METTL15: variants seen among roughly 807,000 people sequenced by gnomAD.
METTL15 encodes the protein 12S rRNA N(4)-cytidine methyltransferase METTL15.
In METTL15, 34 loss-of-function variants were observed where a neutral mutation model predicts 38.3. That is an observed-to-expected ratio of 0.89 (90% CI 0.68 to 1.18). The LOEUF is 1.18. METTL15 is among the 50% of genes most tolerant of loss of function. METTL15 has a pLI of 0.00. For missense variants in METTL15, 438 were observed against 498.4 expected, an observed-to-expected ratio of 0.88 and a Z score of 1.15; for synonymous variants, 162 against 170.9, an observed-to-expected ratio of 0.95 and a Z score of 0.41.
intron 3 of METTL15, among the ~76,000 whole-genome samples, chr11:28,114,438 A>T (rs991139931): frequency 6.6e-6 from 1 of 152,102 alleles, no homozygotes; most frequent in African/African-American, 2.4e-5. Flanking sequence ...TACTACGAAC[A>T]TTCGTGTACA....
At chr11:28,169,519 C>A (rs1484573600) in intron 3 of METTL15, among the ~76,000 whole-genome samples, 1 of 151,944 alleles carries the variant, frequency 6.6e-6, no homozygotes, top group Non-Finnish European at 1.5e-5. Flanking sequence ...GATGATGTAC[C>A]AGAATTACTG....
intron 5 of METTL15, among the ~76,000 whole-genome samples, chr11:28,397,172 T>C (rs1269029486): frequency 2.0e-5 from 3 of 152,100 alleles, no homozygotes; most frequent in Non-Finnish European, 4.4e-5. Context: ...ATTCAGGACA[T>C]AGGCATGGGC....
intron 5 of METTL15, among the ~76,000 whole-genome samples, chr11:28,384,084 G>A (rs1203825570): frequency 2.0e-5 from 3 of 152,024 alleles, no homozygotes; most frequent in Admixed American, 2.0e-4. Flanking sequence ...CACTGTGTTA[G>A]TTTGCTAAGG....
chr11:28,173,067 C>A (rs941350851), intron 3 of METTL15, among the ~76,000 whole-genome samples: 8 of 151,992 alleles, frequency 5.3e-5, no homozygotes, highest in African/African-American at 1.7e-4. Context: ...CATATTTTAA[C>A]TTTTTTGATA....
intron 3 of METTL15, among the ~76,000 whole-genome samples, chr11:28,157,667 A>G (rs1850309345): frequency 6.6e-6 from 1 of 152,148 alleles, no homozygotes; most frequent in Non-Finnish European, 1.5e-5. Context: ...CATGCACAGG[A>G]GCATTCCATC....
chr11:28,275,746 C>T (rs1838274645), intron 4 of METTL15, among the ~76,000 whole-genome samples: 1 of 151,762 alleles, frequency 6.6e-6, no homozygotes, highest in South Asian at 2.1e-4. Flanking sequence ...AAAAGATTCA[C>T]CATGATTAAG....
chr11:28,287,415 C>T, intron 4 of METTL15: 2 of 414,318 alleles, frequency 4.8e-6, no homozygotes, highest in South Asian at 3.7e-5. Context: ...TCACTCCACA[C>T]TTGTTTAGCC....
In METTL15 at chr11:28,193,156, C is replaced by T. The variant is rs180785764; in HGVS notation, c.271-17906C>T. 9.6e-4 allele frequency among the ~76,000 whole-genome samples: 146 copies of T among 152,142 alleles called. 1 individual carries two copies. Among genetic ancestry groups the T allele is most frequent in the Admixed American group, 2.5e-3 (38 of 15,226 alleles). ...CTCATTGAATTTAGAAGTTTTCCTT[C>T]CATGACTCCAAATTCTTTAAAGGAT... On this transcript the variant is annotated intron_variant, in intron 3 of 6. Transcript: ENST00000407364.
chr11:28,127,891 G>A (rs1439539580), intron 3 of METTL15, among the ~76,000 whole-genome samples: 3 of 151,968 alleles, frequency 2.0e-5, no homozygotes, highest in Non-Finnish European at 4.4e-5. Context: ...TTCATCTTTG[G>A]TACATTATTT....
chr11:28,139,868 A>G (rs1318211123), intron 3 of METTL15, among the ~76,000 whole-genome samples: 1 of 152,232 alleles, frequency 6.6e-6, no homozygotes. Flanking sequence ...CCTGAGGGAA[A>G]ATCCTCTAGC....
intron 4 of METTL15, among the ~76,000 whole-genome samples, chr11:28,354,437 C>A (rs1564904460): frequency 6.6e-6 from 1 of 152,100 alleles, no homozygotes; most frequent in Non-Finnish European, 1.5e-5. Context: ...CATACTAAGA[C>A]AGAGAGGAAC....
At chr11:28,322,826 C>T (rs1475693716) in intron 6 of METTL15, among the ~76,000 whole-genome samples, 10 of 152,124 alleles carry the variant, frequency 6.6e-5, no homozygotes, top group African/African-American at 1.9e-4. Flanking sequence ...GTTCCTGCTG[C>T]GGTGACAATG....
chr11:28,305,983 G>A (rs1340410687), intron 6 of METTL15, among the ~76,000 whole-genome samples: 2 of 152,088 alleles, frequency 1.3e-5, no homozygotes, highest in Admixed American at 6.6e-5. Flanking sequence ...GAGAGTAGAA[G>A]ACAGGCAATT....
intron 3 of METTL15, among the ~76,000 whole-genome samples, chr11:28,345,329 C>T (rs975819469): frequency 1.3e-5 from 2 of 152,130 alleles, no homozygotes; most frequent in Non-Finnish European, 2.9e-5. Context: ...GCTGGGACTA[C>T]AGGCGTGCGC....
chr11:28,182,104 T>G (rs1034536776), intron 3 of METTL15, among the ~76,000 whole-genome samples: 3 of 152,126 alleles, frequency 2.0e-5, no homozygotes, highest in African/African-American at 4.8e-5. Flanking sequence ...TTGATGGGGT[T>G]GTTTGTTTTT....
chr11:28,230,718 C>T (rs769269214), intron 4 of METTL15, among the ~76,000 whole-genome samples: 6 of 151,816 alleles, frequency 4.0e-5, no homozygotes, highest in South Asian at 2.1e-4. Flanking sequence ...CTCCTGTTCT[C>T]GACACCCCCC....
chr11:28,372,580 T>G (rs1039600093), intron 5 of METTL15, among the ~76,000 whole-genome samples: 1 of 151,948 alleles, frequency 6.6e-6, no homozygotes, highest in African/African-American at 2.4e-5. Context: ...ACAGTAATGT[T>G]TCAGCATTCC....
chr11:28,451,592 A>AT (rs1213057967), intron 6 of METTL15, among the ~76,000 whole-genome samples: 16 of 152,164 alleles, frequency 1.1e-4, no homozygotes, highest in African/African-American at 3.9e-4. Context: ...CTCAAAAAAA[A>AT]AAGAAAAAGA....
intron 4 of METTL15, among the ~76,000 whole-genome samples, chr11:28,266,381 A>T (rs1158288854): frequency 6.6e-6 from 1 of 152,184 alleles, no homozygotes; most frequent in African/African-American, 2.4e-5. Flanking sequence ...ATGCAGCCAT[A>T]AAAAATGATG....
Sources: allele counts gnomAD v4.1 joint callset (sites outside exome capture counted in the v4.1 genomes callset), GRCh38; gene constraint gnomAD v4.1.1; transcripts MANE v1.5; gene names NCBI Gene and HGNC (gene_info 2026-07-23, HGNC 2026-07-21).